B4GALT6: variants seen among roughly 807,000 people sequenced by gnomAD.
The protein encoded by B4GALT6 is UDP-Gal:beta-GlcNAc beta-1,4-galactosyltransferase 6.
Under a neutral mutation model 46.3 loss-of-function variants are expected in B4GALT6, and 14 were observed. The observed-to-expected ratio is 0.30, with a 90% CI of 0.20 to 0.47. The LOEUF is 0.47. Among genes scored for constraint, B4GALT6 ranks in the 20% least tolerant of loss-of-function variants. The probability of loss-of-function intolerance (pLI) is 0.99; values close to 1 mark genes in which losing one functional copy is unlikely to be tolerated. For synonymous variants in B4GALT6, 168 were observed against 162.0 expected (o/e 1.04, Z -0.28); for missense variants, 386 against 480.1 (o/e 0.80, Z 1.83).
chr18:31,640,116 C>G (rs944261452), intron 4 of B4GALT6, among the ~76,000 whole-genome samples: 1 of 152,024 alleles, frequency 6.6e-6, no homozygotes, highest in African/African-American at 2.4e-5. Context: ...GAAAGTATAT[C>G]TAACCAAAAT....
At chr18:31,698,449 G>A in the B4GALT6 span, among the ~76,000 whole-genome samples, 1 of 152,084 alleles carries the variant, frequency 6.6e-6, no homozygotes, top group South Asian at 2.1e-4. Context: ...GGACAGCATA[G>A]TGAAACCCTG....
intron 6 of B4GALT6, among the ~76,000 whole-genome samples, chr18:31,630,623 T>G (rs2073775200): frequency 6.6e-6 from 1 of 152,072 alleles, no homozygotes; most frequent in Non-Finnish European, 1.5e-5. Context: ...ATTATCCCAG[T>G]GAACAAGGAA....
Position 31,638,722 on chromosome 18 carries a change from AT to A in B4GALT6, c.509del (p.His170LeufsTer9). The A allele has an allele frequency of 6.2e-7, 1 of 1,614,128 alleles. No homozygotes were observed. Among genetic ancestry groups the A allele is most frequent in the Non-Finnish European group, 8.5e-7 (1 of 1,180,006 alleles). On this transcript the variant is annotated frameshift_variant, in exon 5 of 9. Coordinates refer to ENST00000306851, the MANE Select transcript of B4GALT6 (RefSeq NM_004775.5). LOFTEE classifies it high-confidence loss of function. ...VLIPFRNRHE[H>X]LPIFFLHLIP... The stretch of plus-strand genomic sequence containing the variant: ...TCAGATGTAAGAAAAAAATTGGAAG[AT>A]GTTCATGGCGATTACGGAAAGGAAT...
the B4GALT6 span, among the ~76,000 whole-genome samples, chr18:31,716,098 A>C: frequency 1.3e-5 from 2 of 152,194 alleles, no homozygotes; most frequent in Non-Finnish European, 2.9e-5. Flanking sequence ...ATATTTATTG[A>C]ACTATTCAGT....
chr18:31,630,995 C>T lies in B4GALT6; in HGVS notation c.740G>A (p.Arg247His). Residue 247 changes from arginine (R) to histidine (H), a missense_variant, in exon 6 of 9, where the codon CGT becomes CAT. By Grantham distance (29) the Arg-to-His change is conservative. Transcript: ENST00000306851. ...TTTATCCAGCTTTGCAGCAAAATGA[C>T]GTGGCATTTCTCCACATCCGTAATA... ...RNYYGCGEMP[R>H]HFAAKLDKYM... 1.2e-6 allele frequency: 2 copies of T among 1,614,146 alleles called. No homozygotes were observed. Among genetic ancestry groups the T allele is most frequent in the Non-Finnish European group, 1.7e-6 (2 of 1,180,028 alleles).
intron 3 of B4GALT6, among the ~76,000 whole-genome samples, chr18:31,651,809 T>C (rs886239798): frequency 3.3e-5 from 5 of 152,094 alleles, no homozygotes; most frequent in Admixed American, 6.6e-5. Context: ...CTCCCTCTGT[T>C]TCCCAGGCTG....
At chr18:31,674,541 T>C (rs929772698) in intron 1 of B4GALT6, among the ~76,000 whole-genome samples, 2 of 152,204 alleles carry the variant, frequency 1.3e-5, no homozygotes, top group Non-Finnish European at 2.9e-5. Flanking sequence ...CACTCAATAA[T>C]AACTACAGAT....
At chr18:31,655,330 A>G (rs1278284926) in intron 3 of B4GALT6, among the ~76,000 whole-genome samples, 1 of 152,218 alleles carries the variant, frequency 6.6e-6, no homozygotes, top group African/African-American at 2.4e-5. Context: ...CAAAATTGGG[A>G]CAGGACCCAA....
Position 31,626,345 on chromosome 18 carries a change from T to G in B4GALT6, c.939A>C (p.Gly313=), listed in dbSNP as rs1207964135. ...GAATTGACTTGTATTTTCCTAAGTC[T>G]CCCTCTGGTCTGGTTACATTATATC... ...YAGYNVTRPE[G]DLGKYKSIPH... The change falls in exon 8 of 9, where the codon GGA becomes GGC. Residue 313 remains glycine, a synonymous_variant. Coordinates refer to ENST00000306851, the MANE Select transcript of B4GALT6 (RefSeq NM_004775.5). 18 of 1,608,332 alleles carry G rather than the reference T, an allele frequency of 1.1e-5. No individual in the cohort carries two copies. Among genetic ancestry groups the G allele is most frequent in the Admixed American group, 1.7e-5 (1 of 59,836 alleles).
chr18:31,685,992 C>A (rs898945991), upstream of B4GALT6: 3 of 152,252 alleles, frequency 2.0e-5, no homozygotes, highest in East Asian at 3.9e-4. Flanking sequence ...AGCCAATAGG[C>A]CCTTGAGCGC....
intron 3 of B4GALT6, among the ~76,000 whole-genome samples, chr18:31,646,730 T>C (rs551852789): frequency 2.1e-4 from 32 of 152,210 alleles, no homozygotes; most frequent in Non-Finnish European, 3.8e-4. Flanking sequence ...CTATTCTATA[T>C]TTTAGGAGTT....
At chr18:31,645,528 G>C in intron 3 of B4GALT6, 49 bp from the exon 4 acceptor site, 1 of 1,566,908 alleles carries the variant, frequency 6.4e-7, no homozygotes, top group African/African-American at 1.4e-5. Flanking sequence ...TTGCCTCAAA[G>C]ATCTAGTAGA....
chr18:31,668,494 T>C (rs2074309011), intron 1 of B4GALT6, among the ~76,000 whole-genome samples: 1 of 152,160 alleles, frequency 6.6e-6, no homozygotes, highest in African/African-American at 2.4e-5. Context: ...AAATAGACCA[T>C]ATGGGGGAAA....
chr18:31,659,949 C>CTTTTT lies in B4GALT6; in HGVS notation c.233-1865_233-1861dup, dbSNP rs35690268. On this transcript the variant is annotated intron_variant, in intron 2 of 8. Transcript: ENST00000306851. ...GTCCAATAAAGTTCTGATTCTTTTC[C>CTTTTT]TTTTTTTTTTTTTTTTTTTTTGAGA... Among the ~76,000 whole-genome samples, 952 of 122,668 alleles carry CTTTTT rather than the reference C, an allele frequency of 7.8e-3. 8 individuals carry two copies. Among genetic ancestry groups the CTTTTT allele is most frequent in the Non-Finnish European group, 0.012 (710 of 59,804 alleles). The allele number at this position is 122,668 out of a possible 152,430, so 80.5% of individuals were successfully genotyped here. A position where few individuals can be genotyped will look rare whatever the true frequency, so the allele number is the denominator to read the frequency against.
rs946993755 is a variant in B4GALT6, at chr18:31,672,924, TG to T, written c.116-6553del. ...TTAAGACAGCAGCTTCAGGAAGCAG[TG>T]GAAACCAAAGGAAAATAGTAAAGAT... is the stretch of plus-strand genomic sequence containing the variant. On this transcript the variant is annotated intron_variant, in intron 1 of 8. Transcript: ENST00000306851. Among the ~76,000 whole-genome samples, 10 of 152,138 alleles carry T rather than the reference TG, an allele frequency of 6.6e-5. No homozygotes were observed. The East Asian group carries it at 1.9e-3, about 29-fold the overall frequency.
intron 3 of B4GALT6, among the ~76,000 whole-genome samples, chr18:31,646,821 G>C (rs2073996444): frequency 6.6e-6 from 1 of 152,216 alleles, no homozygotes; most frequent in Non-Finnish European, 1.5e-5. Flanking sequence ...GCATGCTAGA[G>C]TATTTTACAT....
At chr18:31,638,485 C>A (rs2073889973) in intron 5 of B4GALT6, among the ~76,000 whole-genome samples, 159 bp downstream of exon 5, 1 of 152,128 alleles carries the variant, frequency 6.6e-6, no homozygotes, top group South Asian at 2.1e-4. Flanking sequence ...CGAGATCGCG[C>A]CACTGCATTC....
intron 5 of B4GALT6, among the ~76,000 whole-genome samples, chr18:31,633,353 C>T (rs567943954): frequency 5.3e-5 from 8 of 152,072 alleles, no homozygotes; most frequent in East Asian, 1.9e-4. Flanking sequence ...GGGTTTTAAG[C>T]GGAGGAGAGA....
At chr18:31,660,530 T>A (rs906958324) in intron 2 of B4GALT6, among the ~76,000 whole-genome samples, 3 of 151,916 alleles carry the variant, frequency 2.0e-5, no homozygotes, top group African/African-American at 7.3e-5. Context: ...GATAAGGCAT[T>A]CTTATTTGAG....
Sources: gnomAD v4.1 joint callset for allele counts (sites outside exome capture counted in the v4.1 genomes callset) on GRCh38, gnomAD v4.1.1 for gene constraint, MANE v1.5 for transcripts, NCBI Gene and HGNC (gene_info 2026-07-23, HGNC 2026-07-21) for gene names.